DNAH14: variants seen among roughly 807,000 people sequenced by gnomAD.
DNAH14 encodes the protein axonemal beta dynein heavy chain 14.
Under a neutral mutation model 520.9 loss-of-function variants are expected in DNAH14, and 478 were observed. The observed-to-expected ratio is 0.92, with a 90% CI of 0.85 to 0.99. DNAH14 has a LOEUF of 0.99. DNAH14 is among the 50% of genes least tolerant of loss of function. DNAH14 has a pLI of 0.00. For synonymous variants in DNAH14, 1,581 were observed against 1,757.2 expected (o/e 0.90, Z 2.51); for missense variants, 4,831 against 5,234.5 (o/e 0.92, Z 2.38).
chr1:225,362,089 A>G (rs1404603904), intron 75 of DNAH14, among the ~76,000 whole-genome samples: 1 of 152,232 alleles, frequency 6.6e-6, no homozygotes, highest in Non-Finnish European at 1.5e-5. Context: ...CACACCACGG[A>G]CCAGGCAAAC....
At chr1:225,387,233 G>C (rs1403763405) in intron 81 of DNAH14, among the ~76,000 whole-genome samples, 1 of 151,516 alleles carries the variant, frequency 6.6e-6, no homozygotes, top group Non-Finnish European at 1.5e-5. Flanking sequence ...ACTGGGGCCT[G>C]TCATGTGTGG....
intron 39 of DNAH14, among the ~76,000 whole-genome samples, chr1:225,204,823 CAT>C (rs1443384299): frequency 5.3e-5 from 8 of 152,296 alleles, no homozygotes; most frequent in African/African-American, 1.9e-4. Flanking sequence ...ACCATTAGTA[CAT>C]ATATGATCCA....
chr1:224,974,258 TCA>T, intron 8 of DNAH14, 105 bp downstream of exon 8: 1 of 669,006 alleles, frequency 1.5e-6, no homozygotes, highest in South Asian at 3.0e-5. Flanking sequence ...GATTAGAAAG[TCA>T]CATTCCATTG....
intron 10 of DNAH14, among the ~76,000 whole-genome samples, chr1:225,014,270 C>T (rs930672366): frequency 2.6e-5 from 4 of 152,170 alleles, no homozygotes; most frequent in Admixed American, 6.5e-5. Flanking sequence ...TTGGCTTGCC[C>T]TCTTTGGGCT....
chr1:225,192,835 T>C lies in DNAH14; in HGVS notation c.5810T>C (p.Val1937Ala). 6.5e-7 allele frequency: 1 copy of C among 1,550,268 alleles called. No homozygotes were observed. The highest frequency in any genetic ancestry group is 1.7e-4 in the Middle Eastern group (1 of 5,968). The change falls in exon 38 of 86, where the codon GTA becomes GCA. Residue 1937 changes from valine to alanine, a missense_variant. Transcript: ENST00000682510. ...GLLSATIRSY[V>A]YFNTPKNTKK... ...TTATCAGCAACAATTCGAAGTTATG[T>C]ATATTTTAACACACCAAAGAACACA...
intron 73 of DNAH14, among the ~76,000 whole-genome samples, chr1:225,355,124 C>T (rs6670711): frequency 0.013 from 1,947 of 152,170 alleles, 43 homozygotes; most frequent in African/African-American, 0.044. Flanking sequence ...TTATAAACAA[C>T]GGAAATGTAC....
intron 10 of DNAH14, among the ~76,000 whole-genome samples, chr1:225,022,458 T>C (rs1169093853): frequency 6.6e-6 from 1 of 152,166 alleles, no homozygotes; most frequent in African/African-American, 2.4e-5. Flanking sequence ...GAACAAATAC[T>C]TCTCAAAAGA....
chr1:225,290,652 T>G (rs1389360691), intron 55 of DNAH14, among the ~76,000 whole-genome samples: 4 of 22,836 alleles, frequency 1.8e-4, no homozygotes, highest in South Asian at 1.1e-3. Flanking sequence ...TGTGTGTATA[T>G]ATATATATAT....
At chr1:224,945,253 T>G (rs966152336) in intron 1 of DNAH14, among the ~76,000 whole-genome samples, 3 of 152,204 alleles carry the variant, frequency 2.0e-5, no homozygotes, top group Non-Finnish European at 4.4e-5. Context: ...TGATCTTCCA[T>G]CACGGATACT....
intron 17 of DNAH14, among the ~76,000 whole-genome samples, chr1:225,078,372 G>A (rs1256133425): frequency 6.6e-6 from 1 of 152,060 alleles, no homozygotes; most frequent in Non-Finnish European, 1.5e-5. Context: ...AAAAGTTGTA[G>A]CATTTATTAT....
intron 42 of DNAH14, among the ~76,000 whole-genome samples, chr1:225,236,530 T>C (rs117719528): frequency 0.014 from 2,179 of 152,312 alleles, 43 homozygotes; most frequent in East Asian, 0.05. Flanking sequence ...TGTAGATATC[T>C]ACCAGGTCCA....
intron 23 of DNAH14, among the ~76,000 whole-genome samples, chr1:225,117,294 A>G (rs1223706338): frequency 2.0e-5 from 3 of 151,880 alleles, no homozygotes; most frequent in African/African-American, 7.2e-5. Flanking sequence ...TAAGAGCAGA[A>G]AGTCAGAAGT....
At chr1:225,216,333 T>C (rs533846760) in intron 41 of DNAH14, among the ~76,000 whole-genome samples, 1 of 152,350 alleles carries the variant, frequency 6.6e-6, no homozygotes, top group African/African-American at 2.4e-5. Context: ...TTAATGTTTT[T>C]TCCTTCATTT....
intron 77 of DNAH14, among the ~76,000 whole-genome samples, chr1:225,370,786 C>A (rs980220920): frequency 2.0e-5 from 3 of 151,692 alleles, no homozygotes; most frequent in African/African-American, 4.8e-5. Flanking sequence ...ATACAAAAAA[C>A]CGTAAAAGGA....
At chr1:225,332,215 G>A (rs2094812919) in intron 65 of DNAH14, among the ~76,000 whole-genome samples, 1 of 152,056 alleles carries the variant, frequency 6.6e-6, no homozygotes, top group Non-Finnish European at 1.5e-5. Flanking sequence ...AAATTCTCAA[G>A]ATAATTATAA....
At chr1:225,042,024 C>A (rs1435567741) in intron 12 of DNAH14, among the ~76,000 whole-genome samples, 1 of 152,152 alleles carries the variant, frequency 6.6e-6, no homozygotes, top group African/African-American at 2.4e-5. Flanking sequence ...AAACACTATA[C>A]CCATTTGTGT....
intron 36 of DNAH14, among the ~76,000 whole-genome samples, chr1:225,170,663 A>C (rs76138267): frequency 6.6e-6 from 1 of 152,172 alleles, no homozygotes; most frequent in Admixed American, 6.5e-5. Flanking sequence ...CCCACACAAT[A>C]ATAATGGGAG....
chr1:225,096,801 G>T (rs1330978158), intron 21 of DNAH14, among the ~76,000 whole-genome samples: 1 of 152,080 alleles, frequency 6.6e-6, no homozygotes, highest in Non-Finnish European at 1.5e-5. Context: ...TTTCCTCTGT[G>T]ATAAGAAGTA....
chr1:225,306,226 C>G lies in DNAH14; in HGVS notation c.9005+1137C>G, dbSNP rs115174397. On this transcript the variant is annotated intron_variant, in intron 58 of 85. Coordinates refer to ENST00000682510, the MANE Select transcript of DNAH14 (RefSeq NM_001367479.1). ...TCTAATTTTATTAAGTTTTCGTTAA[C>G]AAGGTCAGGTGGGGCATGATAGATC... Among the ~76,000 whole-genome samples the G allele has an allele frequency of 5.2e-3, 792 of 152,270 alleles. 6 individuals are homozygous for G. The highest frequency in any genetic ancestry group is 0.015 in the African/African-American group (635 of 41,556).
Sources: gnomAD v4.1 joint callset for allele counts (sites outside exome capture counted in the v4.1 genomes callset) on GRCh38, gnomAD v4.1.1 for gene constraint, MANE v1.5 for transcripts, NCBI Gene and HGNC (gene_info 2026-07-23, HGNC 2026-07-21) for gene names.